Variants in SLAMF1 observed in about 807,000 individuals in gnomAD.
The protein encoded by SLAMF1 is signaling lymphocytic activation molecule family member 1, also known as signaling lymphocytic activation molecule.
SLAMF1 carries 18 observed loss-of-function variants against 35.1 expected under a neutral mutation model. The observed-to-expected ratio is 0.51, with a 90% CI of 0.35 to 0.76. SLAMF1 has a LOEUF of 0.76. Ranked by LOEUF, SLAMF1 falls within the 30% of genes least tolerant of loss-of-function variation. The pLI, the probability that SLAMF1 is intolerant of heterozygous loss-of-function variation, is 0.01. For synonymous variants in SLAMF1, 168 were observed against 157.2 expected, an observed-to-expected ratio of 1.07 and a Z score of -0.51; for missense variants, 392 against 413.0, an observed-to-expected ratio of 0.95 and a Z score of 0.44.
intron 2 of SLAMF1, among the ~76,000 whole-genome samples, chr1:160,635,598 G>A (rs1352882794): frequency 6.9e-6 from 1 of 145,518 alleles, no homozygotes; most frequent in East Asian, 2.0e-4. Context: ...TTGAGACAGA[G>A]TCTCGCTCTG....
intron 5 of SLAMF1, among the ~76,000 whole-genome samples, chr1:160,615,547 T>G (rs550564793): frequency 6.6e-6 from 1 of 152,236 alleles, no homozygotes; most frequent in African/African-American, 2.4e-5. Flanking sequence ...TACTAGCAAA[T>G]ATTTAAGGGG....
chr1:160,612,647 T>A, intron 5 of SLAMF1, 67 bp from the exon 6 acceptor site: 1 of 953,304 alleles, frequency 1.0e-6, no homozygotes, highest in East Asian at 2.5e-5. Flanking sequence ...AACTCTCCGA[T>A]AGAGAAGCAC....
chr1:160,629,820 CAA>C (rs1341510496), intron 3 of SLAMF1, among the ~76,000 whole-genome samples: 1 of 152,214 alleles, frequency 6.6e-6, no homozygotes, highest in East Asian at 1.9e-4. Flanking sequence ...CTGGGCTGTG[CAA>C]AGTTTCCAGG....
rs6680387 is a variant in SLAMF1, at chr1:160,610,626, T to C, written c.*122A>G. On this transcript the variant is annotated 3_prime_UTR_variant, in exon 7 of 7. Transcript: ENST00000302035. ...GGAAGAAACATCACCAGGGAGTTGA[T>C]CTGAGAAGGGTACAGACGTGCAGCA... The C allele has an allele frequency of 9.8e-6, 7 of 715,010 alleles. No individual in the cohort carries two copies. In the Admixed American group the frequency reaches 1.1e-4, roughly 11 times the overall value. 44.3% of individuals were successfully genotyped at this position (715,010 alleles called of 1,614,324 possible).
Position 160,609,835 on chromosome 1 carries a change from G to A in SLAMF1, c.*913C>T. 1 of 156,514 alleles carries A rather than the reference G, an allele frequency of 6.4e-6. No homozygotes were observed. The highest frequency in any genetic ancestry group is 1.4e-5 in the Non-Finnish European group (1 of 70,920). The allele number at this position is 156,514 out of a possible 1,614,324, so 9.7% of individuals were successfully genotyped here. ...ATACCCCTTGAAGCCCTGGATATAA[G>A]AGGTTCAGAATCTGGTCACAGAGAG... On this transcript the variant is annotated 3_prime_UTR_variant, in exon 7 of 7. Transcript: ENST00000302035.
At chr1:160,619,971 C>T (rs1487371404) in intron 4 of SLAMF1, 122 bp from the exon 5 acceptor site, 3 of 724,338 alleles carry the variant, frequency 4.1e-6, no homozygotes, top group Non-Finnish European at 7.5e-6. Context: ...GGAAACAAAG[C>T]CCTGAGTCCC....
chr1:160,610,429 C>A lies in SLAMF1; in HGVS notation c.*319G>T. On this transcript the variant is annotated 3_prime_UTR_variant, in exon 7 of 7. Transcript: ENST00000302035. ...TCTGATTTTTATTATCCAGTTCCAG[C>A]CAAGAGCAAGATGCCCAAAGTCTGA... The A allele has an allele frequency of 2.1e-6, 1 of 483,524 alleles. No individual in the cohort carries two copies. Among genetic ancestry groups the A allele is most frequent in the South Asian group, 1.6e-5 (1 of 62,234 alleles). The allele number at this position is 483,524 out of a possible 1,614,324, so 30.0% of individuals were successfully genotyped here. A position where few individuals can be genotyped will look rare whatever the true frequency, so the allele number is the denominator to read the frequency against.
chr1:160,635,602 C>G (rs181700388), intron 2 of SLAMF1, among the ~76,000 whole-genome samples: 60 of 145,618 alleles, frequency 4.1e-4, no homozygotes, highest in Admixed American at 2.1e-3. Context: ...GACAGAGTCT[C>G]GCTCTGTCAC....
At chr1:160,621,279 G>A (rs1659595533) in intron 4 of SLAMF1, among the ~76,000 whole-genome samples, 1 of 152,116 alleles carries the variant, frequency 6.6e-6, no homozygotes, top group Non-Finnish European at 1.5e-5. Flanking sequence ...TAAAAAACTG[G>A]GCTGGGTGCA....
At chr1:160,641,935 G>A (rs1660771902) in intron 1 of SLAMF1, among the ~76,000 whole-genome samples, 1 of 152,174 alleles carries the variant, frequency 6.6e-6, no homozygotes, top group Non-Finnish European at 1.5e-5. Flanking sequence ...ATTCACATGG[G>A]CCTATGGAGT....
chr1:160,610,403 G>A lies in SLAMF1; in HGVS notation c.*345C>T, dbSNP rs1010394856. The A allele has an allele frequency of 2.1e-6, 1 of 471,214 alleles. No individual in the cohort carries two copies. Among genetic ancestry groups the A allele is most frequent in the Non-Finnish European group, 4.2e-6 (1 of 236,888 alleles). The allele number at this position is 471,214 out of a possible 1,614,324, so 29.2% of individuals were successfully genotyped here. On this transcript the variant is annotated 3_prime_UTR_variant, in exon 7 of 7. Transcript: ENST00000302035. ...AGGTACTCAGATGTCCTGGCTTTCA[G>A]TCTGATTTTTATTATCCAGTTCCAG...
chr1:160,635,612 C>T (rs1362732618), intron 2 of SLAMF1, among the ~76,000 whole-genome samples: 5 of 149,608 alleles, frequency 3.3e-5, no homozygotes, highest in Admixed American at 6.6e-5. Flanking sequence ...CGCTCTGTCA[C>T]CTAAGCTGGA....
At position 160,619,777 on chromosome 1, in the gene SLAMF1, C is replaced by A; in HGVS notation, c.863G>T (p.Gly288Val). Residue 288 changes from glycine (G) to valine (V), a missense_variant and splice_region_variant, in exon 5 of 7, where the codon GGT becomes GTT. Transcript: ENST00000302035. ...TCTCAAACAAAATATAGAACTTACA[C>A]CTGGTTTCTGGACTTGGGCATAGAT... ...LTIYAQVQKP[G>V]PLQKKLDSFP... 1 of 1,597,516 alleles carries A rather than the reference C, an allele frequency of 6.3e-7. No homozygotes were observed. Among genetic ancestry groups the A allele is most frequent in the Non-Finnish European group, 8.6e-7 (1 of 1,164,878 alleles).
intron 1 of SLAMF1, among the ~76,000 whole-genome samples, chr1:160,645,706 T>C (rs890581360): frequency 1.6e-4 from 24 of 152,152 alleles, no homozygotes; most frequent in African/African-American, 5.8e-4. Context: ...AGCCCCGAGC[T>C]CAGTTCTTCC....
chr1:160,622,847 C>A (rs907736724), intron 4 of SLAMF1, among the ~76,000 whole-genome samples: 2 of 152,196 alleles, frequency 1.3e-5, no homozygotes, highest in African/African-American at 4.8e-5. Flanking sequence ...AATTGAAAAG[C>A]CTTCAGCGTC....
chr1:160,619,448 G>A (rs1283358678), intron 5 of SLAMF1, among the ~76,000 whole-genome samples: 2 of 152,138 alleles, frequency 1.3e-5, no homozygotes, highest in Non-Finnish European at 2.9e-5. Context: ...CCTCAAGCCT[G>A]CACTCTTTTC....
At chr1:160,623,339 T>C (rs889936281) in intron 4 of SLAMF1, among the ~76,000 whole-genome samples, 1 of 152,078 alleles carries the variant, frequency 6.6e-6, no homozygotes, top group Admixed American at 6.5e-5. Flanking sequence ...GAGACACAAG[T>C]AGGTCGCTGT....
At chr1:160,632,277 C>T (rs1266321277) in intron 3 of SLAMF1, among the ~76,000 whole-genome samples, 1 of 152,130 alleles carries the variant, frequency 6.6e-6, no homozygotes, top group African/African-American at 2.4e-5. Flanking sequence ...TTCATTTGTT[C>T]GCCCTTTTCA....
chr1:160,612,904 AG>A (rs1422965967), intron 5 of SLAMF1, among the ~76,000 whole-genome samples: 1 of 152,180 alleles, frequency 6.6e-6, no homozygotes, highest in Non-Finnish European at 1.5e-5. Context: ...GGGCAGCTGG[AG>A]GGGACAGAAT....
Sources: gnomAD v4.1 joint callset for allele counts (sites outside exome capture counted in the v4.1 genomes callset) on GRCh38, gnomAD v4.1.1 for gene constraint, MANE v1.5 for transcripts, NCBI Gene and HGNC (gene_info 2026-07-23, HGNC 2026-07-21) for gene names.